The following DCHS1 variants were observed in gnomAD, a reference collection of about 807,000 sequenced individuals.
The protein encoded by DCHS1 is dachsous cadherin-related 1.
In DCHS1, 78 loss-of-function variants were observed where a neutral mutation model predicts 213.9. The observed-to-expected ratio is 0.36, with a 90% CI of 0.30 to 0.44. The LOEUF is 0.44. Among genes scored for constraint, DCHS1 ranks in the 20% least tolerant of loss-of-function variants. The pLI is 1.00. For missense variants in DCHS1, 3,946 were observed against 4,395.9 expected (o/e 0.90, Z 2.89); for synonymous variants, 1,828 against 1,873.7 (o/e 0.98, Z 0.63).
In DCHS1 at chr11:6,630,154, G is replaced by A. The variant is rs768297983; in HGVS notation, c.4640C>T (p.Ala1547Val). 1 of 1,602,308 alleles carries A rather than the reference G, an allele frequency of 6.2e-7. No individual in the cohort carries two copies. The highest frequency in any genetic ancestry group is 1.7e-5 in the Admixed American group (1 of 58,902). ...TGGGAGGCGCACGCGTGACGGCGAG[G>A]CGAAGACAGGCGCGTTGTCATTCTC... is the stretch of plus-strand genomic sequence containing the variant. ...TDENDNAPVF[A>V]SPSRVRLPED... Residue 1547 changes from alanine to valine, a missense_variant, in exon 10 of 21, where the codon GCC becomes GTC. Around this residue, in one of 3 missense-constraint regions of DCHS1, gnomAD observed 3,384 missense variants for 3,780.1 expected, o/e 0.90. Transcript: ENST00000299441.
chr11:6,632,436 C>G lies in DCHS1; in HGVS notation c.3076G>C (p.Ala1026Pro). The G allele has an allele frequency of 6.2e-7, 1 of 1,607,316 alleles. No homozygotes were observed. The highest frequency in any genetic ancestry group is 8.5e-7 in the Non-Finnish European group (1 of 1,175,488). The change falls in exon 6 of 21, where the codon GCA (alanine) becomes CCA (proline). Residue 1026 changes from alanine (A) to proline (P), a missense_variant. By Grantham distance (27) the Ala-to-Pro change is conservative. Coordinates refer to ENST00000299441, the MANE Select transcript of DCHS1 (RefSeq NM_003737.4). This position sits in a 1 kb window ranked among gnomAD's most constrained non-coding sequence, Gnocchi z 5.9. ...GTQVLQVQAQ[A>P]PDGGPITYHL... ...TAGGTGATAGGGCCCCCATCTGGTG[C>G]TTGGGCCTGCACTTGCAGGACCTGA...
At position 6,640,595 on chromosome 11, in the gene DCHS1, T is replaced by G. The variant is rs1856055474; in HGVS notation, c.1019A>C (p.His340Pro). 1 of 1,608,690 alleles carries G rather than the reference T, an allele frequency of 6.2e-7. No individual in the cohort carries two copies. The highest frequency in any genetic ancestry group is 8.5e-7 in the Non-Finnish European group (1 of 1,179,846). The change falls in exon 2 of 21, where the codon CAC becomes CCC. Residue 340 changes from histidine (H) to proline (P), a missense_variant. By Grantham distance (77) the His-to-Pro change is moderately conservative. Transcript: ENST00000299441. The surrounding 1 kb of genome is among the most constrained non-coding windows in gnomAD (Gnocchi z 6.5). Reference protein sequence around the residue: ...LVVQARDGGAHPELGSAFVTV... With the variant: ...LVVQARDGGAPPELGSAFVTV... The stretch of plus-strand genomic sequence containing the variant: ...CACAAAGGCCGAGCCCAGCTCAGGG[T>G]GAGCCCCACCATCTCGTGCTTGCAC...
At position 6,626,747 on chromosome 11, in the gene DCHS1, C is replaced by T. The variant is rs4442534; in HGVS notation, c.6250+42G>A. On this transcript the variant is annotated intron_variant, in intron 14 of 20. Transcript: ENST00000299441. The surrounding 1 kb of genome is among the most constrained non-coding windows in gnomAD (Gnocchi z 5.2). ...ACATTTTCAAAGCACAACCCCAGCC[C>T]ATTTGGGAGTCTGAATCTGGAAGAA... 0.36 allele frequency: 584,493 copies of T among 1,609,078 alleles called. 107,569 individuals carry two copies. Among genetic ancestry groups the T allele is most frequent in the East Asian group, 0.46 (20,482 of 44,808 alleles).
At chr11:6,637,344 T>C (rs569179515) in intron 2 of DCHS1, among the ~76,000 whole-genome samples, 2 of 152,286 alleles carry the variant, frequency 1.3e-5, no homozygotes, top group Non-Finnish European at 2.9e-5. Context: ...CTCCCACCCA[T>C]TGTGACAATC....
chr11:6,621,898 G>A lies in DCHS1; in HGVS notation c.9778C>T (p.Pro3260Ser). 6.2e-7 allele frequency: 1 copy of A among 1,613,012 alleles called. No individual in the cohort carries two copies. The highest frequency in any genetic ancestry group is 8.5e-7 in the Non-Finnish European group (1 of 1,179,428). ...ACAACGGGTGAGCGAGCAGCCAGAG[G>A]AGACAGAGAGGGTGAGAAGCTGGGG... Reference protein sequence around the residue: ...MSPSFSPSLSPLAARSPVVSP... With the variant: ...MSPSFSPSLSSLAARSPVVSP... Residue 3260 changes from proline (P) to serine (S), a missense_variant, in exon 21 of 21, where the codon CCT (proline) becomes TCT (serine). This residue lies in a region of DCHS1 where 554 missense variants were observed against 590.2 expected (regional missense o/e 0.94). Coordinates refer to ENST00000299441, the MANE Select transcript of DCHS1 (RefSeq NM_003737.4).
intron 1 of DCHS1, among the ~76,000 whole-genome samples, chr11:6,654,778 G>A (rs1277596252): frequency 6.6e-6 from 1 of 152,106 alleles, no homozygotes; most frequent in Non-Finnish European, 1.5e-5. Context: ...TGACATAAGC[G>A]ACAATATTTT....
Position 6,640,996 on chromosome 11 carries a change from C to T in DCHS1, c.618G>A (p.Glu206=). 2 of 1,614,056 alleles carry T rather than the reference C, an allele frequency of 1.2e-6. No individual in the cohort carries two copies. The highest frequency in any genetic ancestry group is 1.3e-5 in the African/African-American group (1 of 75,068). Residue 206 remains glutamate (E), a synonymous_variant, in exon 2 of 21, where the codon GAG becomes GAA. Coordinates refer to ENST00000299441, the MANE Select transcript of DCHS1 (RefSeq NM_003737.4). This position sits in a 1 kb window ranked among gnomAD's most constrained non-coding sequence, Gnocchi z 6.5. ...RPGPDGTPVP[E]LVVTGELDRE... is the part of the protein sequence containing the mutation. ...GGTCCAGTTCCCCAGTAACTACCAGCTCAGGTACTGGAGTCCCATCTGGAC... is the reference window on the plus strand; with the variant it reads ...GGTCCAGTTCCCCAGTAACTACCAGTTCAGGTACTGGAGTCCCATCTGGAC...
rs546980066 is a variant in DCHS1, at chr11:6,627,750, T to C, written c.5372-83A>G. On this transcript the variant is annotated intron_variant, in intron 13 of 20. Coordinates refer to ENST00000299441, the MANE Select transcript of DCHS1 (RefSeq NM_003737.4). This position sits in a 1 kb window ranked among gnomAD's most constrained non-coding sequence, Gnocchi z 5.4. ...TACAGACAACAGGAGAGAGTGAGCA[T>C]GTGCACAAAAGCAAGTGAACCTTAT... The C allele has an allele frequency of 6.9e-7, 1 of 1,440,800 alleles. No individual in the cohort carries two copies. Among genetic ancestry groups the C allele is most frequent in the South Asian group, 1.3e-5 (1 of 74,106 alleles). 89.3% of individuals were successfully genotyped at this position (1,440,800 alleles called of 1,614,324 possible).
chr11:6,632,602 G>A lies in DCHS1; in HGVS notation c.2910C>T (p.Ala970=). 5 of 1,522,234 alleles carry A rather than the reference G, an allele frequency of 3.3e-6. No individual in the cohort carries two copies. The highest frequency in any genetic ancestry group is 4.4e-6 in the Non-Finnish European group (5 of 1,130,474). The allele number at this position is 1,522,234 out of a possible 1,614,324, so 94.3% of individuals were successfully genotyped here. A position where few individuals can be genotyped will look rare whatever the true frequency, so the allele number is the denominator to read the frequency against. Reference sequence around the variant, plus strand: ...TGCGTGGTGGGGAGCCCCCATCCCGGGCCTCCAGCTCCAGCTCATGGGCTG... The same window carrying A: ...TGCGTGGTGGGGAGCCCCCATCCCGAGCCTCCAGCTCCAGCTCATGGGCTG... The part of the protein sequence containing the change: ...GGPAHELELE[A]RDGGSPPRTS... The change falls in exon 6 of 21, where the codon GCC becomes GCT. Residue 970 remains alanine (A), a synonymous_variant. Transcript: ENST00000299441. The surrounding 1 kb of genome is among the most constrained non-coding windows in gnomAD (Gnocchi z 5.9).
intron 1 of DCHS1, among the ~76,000 whole-genome samples, chr11:6,642,476 T>C (rs982399186): frequency 1.3e-5 from 2 of 152,010 alleles, no homozygotes; most frequent in Non-Finnish European, 2.9e-5. Context: ...GGAAGTGACA[T>C]TAAAGTTGAC....
Position 6,621,781 on chromosome 11 carries a change from A to T in DCHS1, c.9895T>A (p.Ter3299LysextTer31). Residue 3299 changes from the stop codon to lysine, a stop_lost, in exon 21 of 21, where the codon TAG becomes AAG. Transcript: ENST00000299441. The stretch of plus-strand genomic sequence containing the variant: ...TCGGGGCCCAGCCTGGGCCACAGCT[A>T]GATGTGCAGCTCCGTGTCATCAGGT... ...EPPDDTELHI* is the reference protein window; with the variant it reads ...EPPDDTELHIK The T allele has an allele frequency of 5.1e-6, 8 of 1,581,266 alleles. No individual in the cohort carries two copies. Among genetic ancestry groups the T allele is most frequent in the Non-Finnish European group, 6.9e-6 (8 of 1,164,278 alleles).
intron 1 of DCHS1, among the ~76,000 whole-genome samples, chr11:6,647,289 G>A (rs966123310): frequency 1.3e-5 from 2 of 152,174 alleles, no homozygotes; most frequent in Non-Finnish European, 2.9e-5. Context: ...TTCAGAAAGG[G>A]GAGGTGAGTT....
At chr11:6,646,661 C>T (rs1856160014) in intron 1 of DCHS1, among the ~76,000 whole-genome samples, 1 of 152,180 alleles carries the variant, frequency 6.6e-6, no homozygotes, top group African/African-American at 2.4e-5. Context: ...TGCTACGTGC[C>T]CTCACTCTGT....
At position 6,632,545 on chromosome 11, in the gene DCHS1, C is replaced by A; in HGVS notation, c.2967G>T (p.Gln989His). 6.5e-7 allele frequency: 1 copy of A among 1,529,358 alleles called. No homozygotes were observed. 94.7% of individuals were successfully genotyped at this position (1,529,358 alleles called of 1,614,324 possible). Residue 989 changes from glutamine (Q) to histidine (H), a missense_variant, in exon 6 of 21, where the codon CAG (glutamine) becomes CAT (histidine). Around this residue, in one of 3 missense-constraint regions of DCHS1, gnomAD observed 3,384 missense variants for 3,780.1 expected, o/e 0.90. Coordinates refer to ENST00000299441, the MANE Select transcript of DCHS1 (RefSeq NM_003737.4). This position sits in a 1 kb window ranked among gnomAD's most constrained non-coding sequence, Gnocchi z 5.9. ...GAGCCAGCCCACGGGTTCCCACATC[C>A]TGTACCACCACCCGTAGTCGAAAGT... ...TSHFRLRVVV[Q>H]DVGTRGLAPR...
chr11:6,630,532 C>A lies in DCHS1; in HGVS notation c.4262G>T (p.Arg1421Leu), dbSNP rs1470639252. 7.2e-6 allele frequency: 11 copies of A among 1,531,960 alleles called. No individual in the cohort carries two copies. The highest frequency in any genetic ancestry group is 9.6e-6 in the Non-Finnish European group (11 of 1,145,906). The allele number at this position is 1,531,960 out of a possible 1,614,324, so 94.9% of individuals were successfully genotyped here. The change falls in exon 10 of 21, where the codon CGA becomes CTA. Residue 1421 changes from arginine (R) to leucine (L), a missense_variant. Physicochemically the swap from Arg to Leu is moderately radical, Grantham distance 102. Around this residue, in one of 3 missense-constraint regions of DCHS1, gnomAD observed 3,384 missense variants for 3,780.1 expected, o/e 0.90. Transcript: ENST00000299441. ...GPGGAGARLLRVQVQVQDENE... is the reference protein window; with the variant it reads ...GPGGAGARLLLVQVQVQDENE... ...CTCGTCCTGCACTTGCACCTGCACTCGCAGCAGCCGCGCGCCCGCGCCTCC... is the reference window on the plus strand; with the variant it reads ...CTCGTCCTGCACTTGCACCTGCACTAGCAGCAGCCGCGCGCCCGCGCCTCC...
chr11:6,627,444 C>T lies in DCHS1; in HGVS notation c.5595G>A (p.Pro1865=), dbSNP rs565252178. Residue 1865 remains proline, a synonymous_variant, in exon 14 of 21, where the codon CCG becomes CCA. Transcript: ENST00000299441. The surrounding 1 kb of genome is among the most constrained non-coding windows in gnomAD (Gnocchi z 5.4). ...FPVPAYSVEV[P]EDVPAGTLLL... ...GCAGGGTCCCTGCAGGCACATCCTC[C>T]GGCACCTCCACCGAGTAGGCAGGCA... 46 of 1,610,524 alleles carry T rather than the reference C, an allele frequency of 2.9e-5. No homozygotes were observed. Among genetic ancestry groups the T allele is most frequent in the East Asian group, 4.5e-5 (2 of 44,710 alleles).
chr11:6,645,643 T>C (rs943707460), intron 1 of DCHS1, among the ~76,000 whole-genome samples: 1 of 152,194 alleles, frequency 6.6e-6, no homozygotes, highest in African/African-American at 2.4e-5. Context: ...AGGTGAATGA[T>C]CAGACTTCAA....
Position 6,641,163 on chromosome 11 carries a change from G to C in DCHS1, c.451C>G (p.Gln151Glu). 1 of 1,613,542 alleles carries C rather than the reference G, an allele frequency of 6.2e-7. No individual in the cohort carries two copies. Among genetic ancestry groups the C allele is most frequent in the Non-Finnish European group, 8.5e-7 (1 of 1,179,854 alleles). Residue 151 changes from glutamine to glutamate, a missense_variant, in exon 2 of 21, where the codon CAG becomes GAG. Gln to Glu is a conservative substitution (Grantham distance 29). Coordinates refer to ENST00000299441, the MANE Select transcript of DCHS1 (RefSeq NM_003737.4). This position sits in a 1 kb window ranked among gnomAD's most constrained non-coding sequence, Gnocchi z 7.1. ...PAFPQARAAL[Q>E]VPEHTAFGTR... ...CCAAAAGCTGTATGCTCAGGTACCT[G>C]CAGGGCAGCCCGAGCCTGTGGGAAG...
chr11:6,652,296 A>G (rs1387831492), intron 1 of DCHS1, among the ~76,000 whole-genome samples: 2 of 152,202 alleles, frequency 1.3e-5, no homozygotes, highest in Non-Finnish European at 2.9e-5. Flanking sequence ...AGGACTTTTG[A>G]AAAGATCCTC....
Sources: gnomAD v4.1 joint callset for allele counts (sites outside exome capture counted in the v4.1 genomes callset) on GRCh38, gnomAD v4.1.1 for gene constraint, gnomAD v4.1.1 regional missense constraint, Gnocchi (gnomAD v3.1) non-coding constraint, MANE v1.5 for transcripts, NCBI Gene and HGNC (gene_info 2026-07-23, HGNC 2026-07-21) for gene names.